The following UNC13A variants were observed in gnomAD, a reference collection of about 807,000 sequenced individuals.
UNC13A encodes unc-13 homolog A, also known as protein unc-13 homolog A.
UNC13A carries 61 observed loss-of-function variants against 219.7 expected under a neutral mutation model. That is an observed-to-expected ratio of 0.28 (90% confidence interval 0.23 to 0.34). The LOEUF (loss-of-function observed/expected upper bound fraction) is 0.34, where lower values mean the gene tolerates loss of function less well. Among genes scored for constraint, UNC13A ranks in the 10% least tolerant of loss-of-function variants. The pLI is 1.00. For synonymous variants in UNC13A, 920 were observed against 884.6 expected (o/e 1.04, Z -0.71); for missense variants, 1,476 against 2,270.3 (o/e 0.65, Z 7.11).
chr19:17,681,543 C>G (rs8108534), intron 1 of UNC13A, among the ~76,000 whole-genome samples: 11,959 of 152,176 alleles, frequency 0.079, 607 homozygotes, highest in African/African-American at 0.14. Context: ...CCAGACTGAG[C>G]CTTCAGTGTA....
intron 21 of UNC13A, among the ~76,000 whole-genome samples, 157 bp from the exon 22 acceptor site, chr19:17,640,818 T>C (rs1242643299): frequency 6.6e-6 from 1 of 151,962 alleles, no homozygotes; most frequent in East Asian, 1.9e-4. Flanking sequence ...CCGCATCTCC[T>C]CTCCCCTCCA....
intron 41 of UNC13A, 43 bp downstream of exon 41, chr19:17,617,659 C>T (rs1240516292): frequency 3.1e-6 from 5 of 1,601,428 alleles, no homozygotes; most frequent in South Asian, 1.1e-5. Context: ...GCGGGGCTGT[C>T]TCCGCGGAGC....
At chr19:17,680,981 C>T (rs1181239135) in intron 1 of UNC13A, among the ~76,000 whole-genome samples, 1 of 138,554 alleles carries the variant, frequency 7.2e-6, no homozygotes, top group Admixed American at 7.6e-5. Flanking sequence ...CTCACTGCAG[C>T]CTCGATCTCC....
chr19:17,657,383 C>T (rs1337583741), intron 9 of UNC13A, among the ~76,000 whole-genome samples: 1 of 152,198 alleles, frequency 6.6e-6, no homozygotes, highest in Non-Finnish European at 1.5e-5. Context: ...TGAAACATCA[C>T]TTACTTGTGC....
intron 1 of UNC13A, among the ~76,000 whole-genome samples, chr19:17,685,570 G>A (rs111351462): frequency 2.0e-4 from 30 of 152,264 alleles, no homozygotes; most frequent in Non-Finnish European, 2.8e-4. Flanking sequence ...ATCTATATGC[G>A]TGCTGGCAGA....
At chr19:17,609,267 G>A (rs1429190173) in intron 43 of UNC13A, among the ~76,000 whole-genome samples, 1 of 151,898 alleles carries the variant, frequency 6.6e-6, no homozygotes, top group Non-Finnish European at 1.5e-5. Flanking sequence ...ACCACACTCG[G>A]CCAGAGCAGA....
At chr19:17,638,989 G>A in intron 25 of UNC13A, 94 bp downstream of exon 25, 1 of 1,398,490 alleles carries the variant, frequency 7.2e-7, no homozygotes, top group Non-Finnish European at 9.4e-7. Flanking sequence ...CTGAGGTTCA[G>A]AAGAGTTAAA....
chr19:17,609,854 AT>A, intron 43 of UNC13A, 85 bp downstream of exon 43: 3 of 1,575,722 alleles, frequency 1.9e-6, no homozygotes, highest in South Asian at 2.3e-5. Flanking sequence ...CAGATTCCAG[AT>A]ACCTCCTGCC....
At chr19:17,641,772 C>T (rs531805854) in intron 20 of UNC13A, among the ~76,000 whole-genome samples, 11 of 152,208 alleles carry the variant, frequency 7.2e-5, no homozygotes, top group African/African-American at 2.6e-4. Flanking sequence ...ACACATCCAT[C>T]CATCCATCCA....
At chr19:17,684,842 G>T (rs144832982) in intron 1 of UNC13A, among the ~76,000 whole-genome samples, 10 of 152,234 alleles carry the variant, frequency 6.6e-5, no homozygotes, top group African/African-American at 9.7e-5. Flanking sequence ...TAGGAGTGGG[G>T]TGTCACTACA....
chr19:17,624,962 A>AG lies in UNC13A; in HGVS notation c.4074-11dup, dbSNP rs769784479. On this transcript the variant is annotated splice_polypyrimidine_tract_variant and intron_variant, in intron 34 of 43. Transcript: ENST00000519716. ...GGCAAAGAGGGTCAGGCTGGGGACG[A>AG]GGGGCAGGTCTGAGAGAGGGCCCAG... 1.9e-6 allele frequency: 3 copies of AG among 1,612,058 alleles called. No homozygotes were observed. The highest frequency in any genetic ancestry group is 2.5e-6 in the Non-Finnish European group (3 of 1,178,736).
At chr19:17,681,602 T>TTG (rs1700187771) in intron 1 of UNC13A, among the ~76,000 whole-genome samples, 1 of 152,202 alleles carries the variant, frequency 6.6e-6, no homozygotes, top group East Asian at 1.9e-4. Flanking sequence ...AATAAGGGAT[T>TTG]TGTGTGTGTG....
Position 17,673,385 on chromosome 19 carries a change from T to G in UNC13A, c.153-890A>C, listed in dbSNP as rs936533255. Among the ~76,000 whole-genome samples the G allele has an allele frequency of 2.8e-5, 4 of 141,640 alleles. No individual in the cohort carries two copies. In the Admixed American group the frequency reaches 2.9e-4, roughly 10 times the overall value. 92.9% of individuals were successfully genotyped at this position (141,640 alleles called of 152,430 possible). A position where few individuals can be genotyped will look rare whatever the true frequency, so the allele number is the denominator to read the frequency against. ...AAAAAAAAAAAAAAGTATATATATATCTGATATATATATCTGTTGGCTGGG... is the reference window on the plus strand; with the variant it reads ...AAAAAAAAAAAAAAGTATATATATAGCTGATATATATATCTGTTGGCTGGG... On this transcript the variant is annotated intron_variant, in intron 3 of 43. Coordinates refer to ENST00000519716, the MANE Select transcript of UNC13A (RefSeq NM_001080421.3).
Position 17,630,155 on chromosome 19 carries a change from C to A in UNC13A, c.3659G>T (p.Arg1220Leu), listed in dbSNP as rs950847565. The part of the protein sequence containing the change: ...DPQIVGHYMR[R>L]FAKTISNVLL... The stretch of plus-strand genomic sequence containing the variant: ...CCCACTCTCCCACACCTTGGCAAAG[C>A]GCCTCATGTAGTGCCCCACGATCTG... The change falls in exon 30 of 44, where the codon CGC (arginine) becomes CTC (leucine). Residue 1220 changes from arginine to leucine, a missense_variant. Around this residue, in one of 14 missense-constraint regions of UNC13A, gnomAD observed 218 missense variants for 409.4 expected, o/e 0.53. Coordinates refer to ENST00000519716, the MANE Select transcript of UNC13A (RefSeq NM_001080421.3). 1 of 1,551,952 alleles carries A rather than the reference C, an allele frequency of 6.4e-7. No homozygotes were observed. The highest frequency in any genetic ancestry group is 8.7e-7 in the Non-Finnish European group (1 of 1,147,054).
chr19:17,640,514 A>G lies in UNC13A; in HGVS notation c.2784T>C (p.Phe928=), dbSNP rs1000273719. The part of the protein sequence containing the change: ...SASDRFAASN[F]GKERFVKLLD... ...AATCCCAGTCCCCAGGACTGACCCC[A>G]AAGTTGGAGGCGGCGAAGCGGTCGG... The change falls in exon 22 of 44, where the codon TTT becomes TTC. Residue 928 remains phenylalanine (F), a synonymous_variant. Transcript: ENST00000519716. The G allele has an allele frequency of 6.5e-7, 1 of 1,549,116 alleles. No individual in the cohort carries two copies. The highest frequency in any genetic ancestry group is 8.7e-7 in the Non-Finnish European group (1 of 1,146,704).
In UNC13A at chr19:17,684,178, A is replaced by C. The variant is rs1216523436; in HGVS notation, c.22+4000T>G. Among the ~76,000 whole-genome samples the C allele has an allele frequency of 2.6e-5, 4 of 152,278 alleles. No individual in the cohort carries two copies. The East Asian group carries it at 7.7e-4, about 29-fold the overall frequency. On this transcript the variant is annotated intron_variant, in intron 1 of 43. Transcript: ENST00000519716. ...GGAAGATCTGGAAGTAACCCTTCAC[A>C]CCACCATGCTTTTGCTCATGCTGTT... is the stretch of plus-strand genomic sequence containing the variant.
At chr19:17,606,728 G>GC (rs1346527641) in intron 43 of UNC13A, among the ~76,000 whole-genome samples, 1 of 151,578 alleles carries the variant, frequency 6.6e-6, no homozygotes, top group East Asian at 1.9e-4. Flanking sequence ...GCACGGCCCT[G>GC]CCCCTAATGT....
At position 17,631,171 on chromosome 19, in the gene UNC13A, C is replaced by T. The variant is rs1200353071; in HGVS notation, c.3429-421G>A. ...TCTTGTTTTCTCCCTCCCTCCCTCC[C>T]TCCCTCCTTTCCTTCCTTCCCTCCC... On this transcript the variant is annotated intron_variant, in intron 28 of 43. Transcript: ENST00000519716. 6.6e-4 allele frequency among the ~76,000 whole-genome samples: 16 copies of T among 24,116 alleles called. 1 individual carries two copies. Among genetic ancestry groups the T allele is most frequent in the South Asian group, 1.5e-3 (1 of 662 alleles). The allele number at this position is 24,116 out of a possible 152,430, so 15.8% of individuals were successfully genotyped here.
At chr19:17,651,233 C>T (rs939458875) in intron 12 of UNC13A, among the ~76,000 whole-genome samples, 2 of 144,900 alleles carry the variant, frequency 1.4e-5, no homozygotes, top group Non-Finnish European at 3.0e-5. Flanking sequence ...CCACTGCACC[C>T]GGCCCACACA....
Sources: gnomAD v4.1 joint callset for allele counts (sites outside exome capture counted in the v4.1 genomes callset) on GRCh38, gnomAD v4.1.1 for gene constraint, gnomAD v4.1.1 regional missense constraint, MANE v1.5 for transcripts, NCBI Gene and HGNC (gene_info 2026-07-23, HGNC 2026-07-21) for gene names.